Variants in DAB1 observed in about 807,000 individuals in gnomAD.
The protein encoded by DAB1 is disabled homolog 1.
In DAB1, 15 loss-of-function variants were observed where a neutral mutation model predicts 64.6. That is an observed-to-expected ratio of 0.23 (90% CI 0.16 to 0.36). The LOEUF (loss-of-function observed/expected upper bound fraction) is 0.36. DAB1 is among the 10% of genes least tolerant of loss of function. DAB1 has a pLI of 1.00. For missense variants in DAB1, 596 were observed against 706.7 expected, an observed-to-expected ratio of 0.84 and a Z score of 1.78; for synonymous variants, 235 against 251.9, an observed-to-expected ratio of 0.93 and a Z score of 0.64.
chr1:58,227,374 G>T (rs1659547266), intron 4 of DAB1, among the ~76,000 whole-genome samples: 1 of 152,188 alleles, frequency 6.6e-6, no homozygotes, highest in South Asian at 2.1e-4. Context: ...GAGGAAATTT[G>T]GTTGAGCGAG....
rs78352158 is a variant in DAB1, at chr1:58,503,700, A to T, written n.257+2360T>A. Among the ~76,000 whole-genome samples, 31 of 152,124 alleles carry T rather than the reference A, an allele frequency of 2.0e-4. No homozygotes were observed. The East Asian group carries it at 4.9e-3, about 24-fold the overall frequency. Reference sequence around the variant, plus strand: ...GGTTACAAGGAGAAGATGGCTGTTTATGAGCTGGGAAGTGGGCCCTCACCA... The same window carrying T: ...GGTTACAAGGAGAAGATGGCTGTTTTTGAGCTGGGAAGTGGGCCCTCACCA... On this transcript the variant is annotated intron_variant and non_coding_transcript_variant, in intron 3 of 20. Coordinates refer to the DAB1 transcript ENST00000485760.
chr1:58,180,536 C>G (rs1656737450), intron 4 of DAB1, among the ~76,000 whole-genome samples: 1 of 151,906 alleles, frequency 6.6e-6, no homozygotes, highest in South Asian at 2.1e-4. Flanking sequence ...CTCAAGCAAT[C>G]CTCTCACCTT....
chr1:57,200,795 T>G (rs1665032844), intron 2 of DAB1, among the ~76,000 whole-genome samples: 1 of 152,232 alleles, frequency 6.6e-6, no homozygotes, highest in Non-Finnish European at 1.5e-5. Context: ...AAACAACTCA[T>G]GTTAATAAAG....
At chr1:57,043,113 G>A (rs542628124) in intron 9 of DAB1, among the ~76,000 whole-genome samples, 4 of 152,162 alleles carry the variant, frequency 2.6e-5, no homozygotes, top group Non-Finnish European at 5.9e-5. Context: ...TTCCCAGTGA[G>A]ACCCATCAGT....
chr1:57,680,282 G>A (rs1020581258), intron 6 of DAB1, among the ~76,000 whole-genome samples: 19 of 152,192 alleles, frequency 1.2e-4, no homozygotes, highest in Admixed American at 9.8e-4. Context: ...TAGAGGAATG[G>A]TGTATTAGTT....
intron 5 of DAB1, among the ~76,000 whole-genome samples, chr1:58,135,612 G>A (rs1329750974): frequency 6.6e-6 from 1 of 152,152 alleles, no homozygotes; most frequent in Non-Finnish European, 1.5e-5. Flanking sequence ...GTGTGGTACT[G>A]AGGTTTGGGG....
At chr1:58,170,397 A>G (rs1570442358) in intron 4 of DAB1, among the ~76,000 whole-genome samples, 1 of 152,170 alleles carries the variant, frequency 6.6e-6, no homozygotes, top group African/African-American at 2.4e-5. Context: ...TAGAGGGTCA[A>G]TTGATCCTAA....
intron 5 of DAB1, among the ~76,000 whole-genome samples, chr1:58,044,873 C>A (rs1350444653): frequency 1.3e-5 from 2 of 151,982 alleles, no homozygotes; most frequent in Non-Finnish European, 2.9e-5. Flanking sequence ...TCTGAACAAA[C>A]CTATAAGGCT....
chr1:58,157,256 C>G (rs1324963514), intron 4 of DAB1, among the ~76,000 whole-genome samples: 1 of 152,186 alleles, frequency 6.6e-6, no homozygotes, highest in Non-Finnish European at 1.5e-5. Flanking sequence ...TTTCAGCCCC[C>G]CTCTGCTGAA....
At chr1:57,067,531 G>A (rs887489832) in intron 8 of DAB1, among the ~76,000 whole-genome samples, 4 of 152,092 alleles carry the variant, frequency 2.6e-5, no homozygotes, top group African/African-American at 9.7e-5. Context: ...CATTAACAGA[G>A]TTGGCTCACC....
At chr1:57,804,436 A>G (rs1651270560) in intron 6 of DAB1, among the ~76,000 whole-genome samples, 1 of 152,086 alleles carries the variant, frequency 6.6e-6, no homozygotes, top group Admixed American at 6.6e-5. Context: ...TGCAAAGGGG[A>G]AATTAGATCC....
At position 58,298,178 on chromosome 1, in the gene DAB1, A is replaced by G. The variant is rs1444214669; in HGVS notation, n.309+45174T>C. On this transcript the variant is annotated intron_variant and non_coding_transcript_variant, in intron 4 of 20. Transcript: ENST00000485760. ...GTTGTGCTGCTCATTAGCAACTTCAACTTACTCAAATGGGTGCTATGAATA... is the reference window on the plus strand; with the variant it reads ...GTTGTGCTGCTCATTAGCAACTTCAGCTTACTCAAATGGGTGCTATGAATA... Among the ~76,000 whole-genome samples, 9 of 152,204 alleles carry G rather than the reference A, an allele frequency of 5.9e-5. No individual in the cohort carries two copies. In the East Asian group the frequency reaches 9.6e-4, roughly 16 times the overall value.
chr1:58,481,457 A>T (rs1645481043), intron 3 of DAB1, among the ~76,000 whole-genome samples: 1 of 152,208 alleles, frequency 6.6e-6, no homozygotes, highest in Non-Finnish European at 1.5e-5. Flanking sequence ...AACAAATCTT[A>T]GAGATACATC....
Position 57,478,025 on chromosome 1 carries a change from T to A in DAB1, n.625+171567A>T, listed in dbSNP as rs369930801. 9.2e-5 allele frequency among the ~76,000 whole-genome samples: 14 copies of A among 151,724 alleles called. No homozygotes were observed. The East Asian group carries it at 2.3e-3, about 25-fold the overall frequency. On this transcript the variant is annotated intron_variant and non_coding_transcript_variant, in intron 7 of 20. Coordinates refer to the DAB1 transcript ENST00000485760. ...CCATTAACTCGTCATTTACATTAGG[T>A]ATCTCTCCTAATGCTATCCCTCCCC...
intron 6 of DAB1, among the ~76,000 whole-genome samples, chr1:57,771,571 A>C (rs1649563554): frequency 6.6e-6 from 1 of 152,144 alleles, no homozygotes; most frequent in Non-Finnish European, 1.5e-5. Context: ...GTATTTTAAA[A>C]ATCAGCTTTA....
At chr1:57,834,385 G>C (rs1652717562) in intron 1 of DAB1, among the ~76,000 whole-genome samples, 1 of 152,096 alleles carries the variant, frequency 6.6e-6, no homozygotes. Context: ...CTGCTTTTTT[G>C]AACACAGTAG....
intron 2 of DAB1, among the ~76,000 whole-genome samples, chr1:57,202,592 C>A (rs1209306680): frequency 6.6e-6 from 1 of 152,190 alleles, no homozygotes; most frequent in African/African-American, 2.4e-5. Context: ...CACTGAAATA[C>A]TAATTCTGAA....
intron 1 of DAB1, among the ~76,000 whole-genome samples, chr1:57,327,176 C>T (rs112159592): frequency 1.5e-4 from 23 of 151,958 alleles, no homozygotes; most frequent in Non-Finnish European, 2.5e-4. Flanking sequence ...CCTGGCCTCA[C>T]GTGATCCTCT....
chr1:58,535,539 T>C (rs1360436766), intron 1 of DAB1, among the ~76,000 whole-genome samples: 4 of 142,592 alleles, frequency 2.8e-5, no homozygotes, highest in Non-Finnish European at 4.5e-5. Context: ...GAGGTTGCAG[T>C]GAGCCAAGAT....
Sources: allele counts gnomAD v4.1 joint callset (sites outside exome capture counted in the v4.1 genomes callset), GRCh38; gene constraint gnomAD v4.1.1; transcripts MANE v1.5; gene names NCBI Gene and HGNC (gene_info 2026-07-23, HGNC 2026-07-21).